PLAGL1: variants seen among roughly 807,000 people sequenced by gnomAD.
The protein encoded by PLAGL1 is PLAG1 like zinc finger 1.
A neutral mutation model predicts 4.6 loss-of-function variants in PLAGL1; 1 was observed. That is an observed-to-expected ratio of 0.22 (90% CI 0.08 to 1.03). PLAGL1 has a LOEUF of 1.03. PLAGL1 is among the 50% of genes least tolerant of loss of function. The pLI is 0.58. For synonymous variants in PLAGL1, 240 were observed against 237.8 expected, an observed-to-expected ratio of 1.01 and a Z score of -0.08; for missense variants, 464 against 570.4, an observed-to-expected ratio of 0.81 and a Z score of 1.90.
chr6:143,977,346 T>C (rs533629168), intron 2 of PLAGL1, among the ~76,000 whole-genome samples: 1 of 152,288 alleles, frequency 6.6e-6, no homozygotes, highest in South Asian at 2.1e-4. Context: ...GTTGAAATTA[T>C]ATAGTATGCA....
chr6:143,942,372 A>G lies in PLAGL1; in HGVS notation c.444T>C (p.Pro148=). 1 of 1,614,068 alleles carries G rather than the reference A, an allele frequency of 6.2e-7. No individual in the cohort carries two copies. Among genetic ancestry groups the G allele is most frequent in the Non-Finnish European group, 8.5e-7 (1 of 1,179,988 alleles). ...GGTGCTTCTTTTCCTTGGTTCCGCT[A>G]GGGGGCTTCTCTTCCGCATGGGCTT... is the stretch of plus-strand genomic sequence containing the variant. ...HLKAHAEEKP[P]SGTKEKKHQC... The change falls in exon 8 of 8, where the codon CCT becomes CCC. Residue 148 remains proline, a synonymous_variant. Transcript: ENST00000674357. This position sits in a 1 kb window ranked among gnomAD's most constrained non-coding sequence, Gnocchi z 7.6.
chr6:143,959,220 A>G lies in PLAGL1; in HGVS notation c.-325+1249T>C, dbSNP rs1035827260. Among the ~76,000 whole-genome samples, 2 of 152,114 alleles carry G rather than the reference A, an allele frequency of 1.3e-5. No individual in the cohort carries two copies. Among genetic ancestry groups the G allele is most frequent in the Admixed American group, 6.5e-5 (1 of 15,276 alleles). ...CTCTTCCTCCCCTGCTTGCCTTGCA[A>G]TCATACTGTCCACCCTGCTTTGGCT... On this transcript the variant is annotated intron_variant, in intron 6 of 7. Transcript: ENST00000674357. The surrounding 1 kb of genome is among the most constrained non-coding windows in gnomAD (Gnocchi z 5.3).
intron 1 of PLAGL1, among the ~76,000 whole-genome samples, chr6:143,999,080 T>C (rs931669251): frequency 6.6e-6 from 1 of 151,986 alleles, no homozygotes; most frequent in Non-Finnish European, 1.5e-5. Context: ...AAAAATAGCA[T>C]AGGGTGACAA....
Position 144,056,135 on chromosome 6 carries a change from C to T in PLAGL1, c.-151+8333G>A, listed in dbSNP as rs1007081087. 1.3e-5 allele frequency among the ~76,000 whole-genome samples: 2 copies of T among 151,544 alleles called. No homozygotes were observed. The highest frequency in any genetic ancestry group is 6.6e-5 in the Admixed American group (1 of 15,200). ...ACCTCCAAGGGATCAGTTTGAGAAC[C>T]GCTGCTTTATATCTTTTAACACATT... On this transcript the variant is annotated intron_variant, in intron 1 of 3. Transcript: ENST00000437412. The surrounding 1 kb of genome is among the most constrained non-coding windows in gnomAD (Gnocchi z 4.7).
intron 1 of PLAGL1, among the ~76,000 whole-genome samples, chr6:144,024,130 C>T (rs1562584140): frequency 6.6e-6 from 1 of 152,120 alleles, no homozygotes; most frequent in Non-Finnish European, 1.5e-5. Flanking sequence ...TGTGTGTATG[C>T]ACAGGTTAGC....
At position 143,985,982 on chromosome 6, in the gene PLAGL1, T is replaced by TTTTATATATATATATATATATATA. The variant is rs372792641; in HGVS notation, c.-583-809_-583-808insTATATATATATATATATATATAAA. Among the ~76,000 whole-genome samples the TTTTATATATATATATATATATATA allele has an allele frequency of 9.0e-6, 1 of 111,576 alleles. No homozygotes were observed. The highest frequency in any genetic ancestry group is 1.8e-5 in the Non-Finnish European group (1 of 55,360). The allele number at this position is 111,576 out of a possible 152,430, so 73.2% of individuals were successfully genotyped here. On this transcript the variant is annotated intron_variant, in intron 1 of 7. Coordinates refer to ENST00000674357, the MANE Select transcript of PLAGL1 (RefSeq NM_001317162.2). This position sits in a 1 kb window ranked among gnomAD's most constrained non-coding sequence, Gnocchi z 4.4. Reference sequence around the variant, plus strand: ...TATATCAAATTATATATATATAAAATTATATATATATATATATATATATAT... The same window carrying TTTTATATATATATATATATATATA: ...TATATCAAATTATATATATATAAAATTTTATATATATATATATATATATATATATATATATATATATATATATAT...
At position 143,940,894 on chromosome 6, in the gene PLAGL1, T is replaced by C. The variant is rs971318846; in HGVS notation, c.*530A>G. ...CTATTGCTCCACAAGAAAATGTATA[T>C]GTAAAACTACAGGTTGGCTATGGTA... is the stretch of plus-strand genomic sequence containing the variant. On this transcript the variant is annotated 3_prime_UTR_variant, in exon 8 of 8. Coordinates refer to ENST00000674357, the MANE Select transcript of PLAGL1 (RefSeq NM_001317162.2). 1 of 152,672 alleles carries C rather than the reference T, an allele frequency of 6.5e-6. No individual in the cohort carries two copies. The highest frequency in any genetic ancestry group is 1.9e-4 in the East Asian group (1 of 5,208). 9.5% of individuals were successfully genotyped at this position (152,672 alleles called of 1,614,324 possible).
intron 2 of PLAGL1, among the ~76,000 whole-genome samples, chr6:143,976,265 T>C (rs1228224216): frequency 6.8e-6 from 1 of 147,930 alleles, no homozygotes; most frequent in East Asian, 2.0e-4. Flanking sequence ...CTGGTCGCCC[T>C]TGAGCCTGAG....
chr6:144,044,238 C>T (rs1458089968), intron 1 of PLAGL1, among the ~76,000 whole-genome samples: 1 of 152,096 alleles, frequency 6.6e-6, no homozygotes, highest in Non-Finnish European at 1.5e-5. Flanking sequence ...TTTGTTTGCT[C>T]TTGCTTCTCT....
rs980105805 is a variant in PLAGL1, at chr6:143,958,235, A to G, written c.-325+2234T>C. Reference sequence around the variant, plus strand: ...AGGAAAAAGTTACATATAATCACTTATCCCTCCCCCATGGGTAACTCAGTT... The same window carrying G: ...AGGAAAAAGTTACATATAATCACTTGTCCCTCCCCCATGGGTAACTCAGTT... On this transcript the variant is annotated intron_variant, in intron 6 of 7. Transcript: ENST00000674357. The surrounding 1 kb of genome is among the most constrained non-coding windows in gnomAD (Gnocchi z 5.1). 2.0e-5 allele frequency among the ~76,000 whole-genome samples: 3 copies of G among 152,234 alleles called. No individual in the cohort carries two copies. Among genetic ancestry groups the G allele is most frequent in the Non-Finnish European group, 4.4e-5 (3 of 68,038 alleles).
At chr6:144,028,140 A>T (rs1796510554) in intron 1 of PLAGL1, among the ~76,000 whole-genome samples, 1 of 152,234 alleles carries the variant, frequency 6.6e-6, no homozygotes, top group Non-Finnish European at 1.5e-5. Flanking sequence ...AACTGTATGC[A>T]GTTATTATAT....
At chr6:144,003,412 C>T (rs1793377587) in intron 1 of PLAGL1, among the ~76,000 whole-genome samples, 1 of 152,090 alleles carries the variant, frequency 6.6e-6, no homozygotes, top group African/African-American at 2.4e-5. Context: ...ATCACGAGGT[C>T]AGGAGATCAA....
Position 143,970,037 on chromosome 6 carries a change from C to G in PLAGL1, c.-543-1059G>C, listed in dbSNP as rs1785130996. On this transcript the variant is annotated intron_variant, in intron 2 of 7. Transcript: ENST00000674357. The surrounding 1 kb of genome is among the most constrained non-coding windows in gnomAD (Gnocchi z 5.8). ...AGATCAATAACTTAAACCCATCAAC[C>G]CTCACCTCCACAGATATAAATTCAT... 6.6e-6 allele frequency among the ~76,000 whole-genome samples: 1 copy of G among 152,064 alleles called. No individual in the cohort carries two copies. The highest frequency in any genetic ancestry group is 2.1e-4 in the South Asian group (1 of 4,812).
rs193026187 is a variant in PLAGL1, at chr6:144,053,893, A to G, written c.-151+10575T>C. Among the ~76,000 whole-genome samples the G allele has an allele frequency of 1.8e-3, 267 of 152,330 alleles. 2 individuals carry two copies. The highest frequency in any genetic ancestry group is 6.1e-3 in the African/African-American group (254 of 41,576). ...CAGCCTCTTTAAGAAGCTGCAGGAA[A>G]GTCTTTGATTATATTAATTATCACA... On this transcript the variant is annotated intron_variant, in intron 1 of 3. Coordinates refer to the PLAGL1 transcript ENST00000437412. This position sits in a 1 kb window ranked among gnomAD's most constrained non-coding sequence, Gnocchi z 4.0.
chr6:144,003,456 G>A (rs1159883493), intron 1 of PLAGL1, among the ~76,000 whole-genome samples: 2 of 151,934 alleles, frequency 1.3e-5, no homozygotes, highest in Non-Finnish European at 2.9e-5. Flanking sequence ...AACCCCGTCT[G>A]TACTAAAAAT....
intron 7 of PLAGL1, among the ~76,000 whole-genome samples, chr6:143,946,044 G>GT (rs1480089024): frequency 2.4e-4 from 33 of 139,134 alleles, no homozygotes; most frequent in Admixed American, 4.3e-4. Flanking sequence ...CTCGGAACAT[G>GT]CGGGGTACTG....
chr6:144,016,014 T>C lies in PLAGL1; in HGVS notation c.-150-47036A>G, dbSNP rs144792975. The stretch of plus-strand genomic sequence containing the variant: ...TGCTGATACTGTCAACACAGATGAA[T>C]CAAAACAACAACAACACTGTGCGGA... On this transcript the variant is annotated intron_variant, in intron 1 of 3. Coordinates refer to the PLAGL1 transcript ENST00000437412. The surrounding 1 kb of genome is among the most constrained non-coding windows in gnomAD (Gnocchi z 4.2). 6.6e-5 allele frequency among the ~76,000 whole-genome samples: 10 copies of C among 152,146 alleles called. No individual in the cohort carries two copies. Among genetic ancestry groups the C allele is most frequent in the African/African-American group, 2.4e-4 (10 of 41,490 alleles).
In PLAGL1 at chr6:144,064,154, C is replaced by CT. The variant is rs1302064150; in HGVS notation, c.-151+313_-151+314insA. On this transcript the variant is annotated intron_variant, in intron 1 of 3. Transcript: ENST00000437412. This position sits in a 1 kb window ranked among gnomAD's most constrained non-coding sequence, Gnocchi z 6.8. ...GGTGGCGGCTGTTCAGCTCCCACGT[C>CT]ACCCGGCCCGCCCTCCGCCCAGCGC... Among the ~76,000 whole-genome samples the CT allele has an allele frequency of 3.7e-4, 57 of 152,070 alleles. 1 individual carries two copies. The highest frequency in any genetic ancestry group is 2.4e-5 in the African/African-American group (1 of 41,432).
Position 144,027,234 on chromosome 6 carries a change from C to CAAACGAAA in PLAGL1, c.-151+37233_-151+37234insTTTCGTTT. Among the ~76,000 whole-genome samples the CAAACGAAA allele has an allele frequency of 9.0e-6, 1 of 111,632 alleles. No homozygotes were observed. The highest frequency in any genetic ancestry group is 2.4e-4 in the East Asian group (1 of 4,220). The allele number at this position is 111,632 out of a possible 152,430, so 73.2% of individuals were successfully genotyped here. On this transcript the variant is annotated intron_variant, in intron 1 of 3. Coordinates refer to the PLAGL1 transcript ENST00000437412. This position sits in a 1 kb window ranked among gnomAD's most constrained non-coding sequence, Gnocchi z 5.8. ...GAAAGACCCCAACTCAAAGAACGAA[C>CAAACGAAA]GAAAGAAAGAAAGAAAGAAAGAAAG...
Sources: gnomAD v4.1 joint callset for allele counts (sites outside exome capture counted in the v4.1 genomes callset) on GRCh38, gnomAD v4.1.1 for gene constraint, Gnocchi (gnomAD v3.1) non-coding constraint, MANE v1.5 for transcripts, NCBI Gene and HGNC (gene_info 2026-07-23, HGNC 2026-07-21) for gene names.